The following SEMA3C variants were observed in gnomAD, a reference collection of about 807,000 sequenced individuals.
The protein encoded by SEMA3C is semaphorin 3C, also known as semaphorin-3C.
In SEMA3C, 47 loss-of-function variants were observed where a neutral mutation model predicts 89.4. That is an observed-to-expected ratio of 0.53 (90% CI 0.42 to 0.67). SEMA3C has a LOEUF of 0.67. SEMA3C is among the 30% of genes least tolerant of loss of function. The probability of loss-of-function intolerance (pLI) is 0.00; values close to 1 mark genes in which losing one functional copy is unlikely to be tolerated. For missense variants in SEMA3C, 839 were observed against 929.1 expected, an observed-to-expected ratio of 0.90 and a Z score of 1.26; for synonymous variants, 310 against 320.2, an observed-to-expected ratio of 0.97 and a Z score of 0.34.
intron 2 of SEMA3C, among the ~76,000 whole-genome samples, chr7:80,836,307 G>T (rs1790124381): frequency 6.6e-6 from 1 of 152,138 alleles, no homozygotes; most frequent in Non-Finnish European, 1.5e-5. Flanking sequence ...CAGGCATGAT[G>T]GGATAAATGG....
chr7:80,766,301 C>A (rs952030042), intron 12 of SEMA3C, among the ~76,000 whole-genome samples: 2 of 152,160 alleles, frequency 1.3e-5, no homozygotes, highest in Non-Finnish European at 2.9e-5. Context: ...GATGGTCAGG[C>A]AGTTATCACA....
chr7:80,900,422 A>G (rs944655470), intron 2 of SEMA3C, among the ~76,000 whole-genome samples: 1 of 152,162 alleles, frequency 6.6e-6, no homozygotes, highest in Admixed American at 6.5e-5. Flanking sequence ...TACATTTAGT[A>G]TGTTTTTACT....
chr7:80,866,297 A>G (rs901410582), intron 2 of SEMA3C, among the ~76,000 whole-genome samples: 10 of 152,138 alleles, frequency 6.6e-5, no homozygotes, highest in Non-Finnish European at 1.3e-4. Context: ...TGAGGGGTCC[A>G]GTGTCTTCTA....
At chr7:80,780,778 G>A (rs571404793) in intron 12 of SEMA3C, among the ~76,000 whole-genome samples, 3 of 152,188 alleles carry the variant, frequency 2.0e-5, no homozygotes, top group African/African-American at 4.8e-5. Context: ...CAGATACTCC[G>A]GAGGCTGAGA....
chr7:80,858,850 C>T (rs1056180335), intron 2 of SEMA3C, among the ~76,000 whole-genome samples: 4 of 152,020 alleles, frequency 2.6e-5, no homozygotes, highest in African/African-American at 9.7e-5. Context: ...AGTATGAATT[C>T]GAGGTAATTC....
At chr7:80,847,974 C>T (rs1790428597) in intron 2 of SEMA3C, among the ~76,000 whole-genome samples, 1 of 152,204 alleles carries the variant, frequency 6.6e-6, no homozygotes, top group African/African-American at 2.4e-5. Context: ...ACCTCTAACT[C>T]CTACCCCAAC....
intron 4 of SEMA3C, among the ~76,000 whole-genome samples, chr7:80,822,098 C>T (rs953665158): frequency 6.6e-6 from 1 of 152,152 alleles, no homozygotes; most frequent in African/African-American, 2.4e-5. Flanking sequence ...CAAATATGTG[C>T]TGAAGTCATT....
chr7:80,746,200 T>TGA (rs1787795883), intron 17 of SEMA3C, among the ~76,000 whole-genome samples: 1 of 152,068 alleles, frequency 6.6e-6, no homozygotes, highest in African/African-American at 2.4e-5. Context: ...TTTTCCTAAA[T>TGA]GATAAAGTTC....
intron 2 of SEMA3C, among the ~76,000 whole-genome samples, chr7:80,874,159 CTG>C (rs941054798): frequency 1.3e-5 from 2 of 152,152 alleles, no homozygotes; most frequent in African/African-American, 2.4e-5. Context: ...ATCCATTAGA[CTG>C]TAAATTCCTT....
chr7:80,772,055 A>T lies in SEMA3C; in HGVS notation c.1355-6812T>A, dbSNP rs568483570. On this transcript the variant is annotated intron_variant, in intron 12 of 17. Coordinates refer to ENST00000265361, the MANE Select transcript of SEMA3C (RefSeq NM_006379.5). Reference sequence around the variant, plus strand: ...AATTTTCTGAGACAACTTGCTTATTAAAATGAGGAAACATACTTTGAAAGC... The same window carrying T: ...AATTTTCTGAGACAACTTGCTTATTTAAATGAGGAAACATACTTTGAAAGC... Among the ~76,000 whole-genome samples the T allele has an allele frequency of 2.0e-5, 3 of 152,344 alleles. No homozygotes were observed. The South Asian group carries it at 6.2e-4, about 32-fold the overall frequency.
At position 80,804,218 on chromosome 7, in the gene SEMA3C, G is replaced by A; in HGVS notation, c.689C>T (p.Pro230Leu). 4 of 1,607,936 alleles carry A rather than the reference G, an allele frequency of 2.5e-6. No individual in the cohort carries two copies. Among genetic ancestry groups the A allele is most frequent in the Non-Finnish European group, 3.4e-6 (4 of 1,176,992 alleles). Residue 230 changes from proline (P) to leucine (L), a missense_variant, in exon 8 of 18, where the codon CCA becomes CTA. Pro to Leu is a moderately conservative substitution (Grantham distance 98). Coordinates refer to ENST00000265361, the MANE Select transcript of SEMA3C (RefSeq NM_006379.5). ...AGCATCATTTGGATCAGTACCATCT[G>A]GGATGACATGTGCATCTACAAACAT... ...EPMFVDAHVI[P>L]DGTDPNDAKV...
intron 2 of SEMA3C, among the ~76,000 whole-genome samples, chr7:80,892,454 T>A (rs996032189): frequency 2.0e-5 from 3 of 152,044 alleles, no homozygotes; most frequent in Non-Finnish European, 4.4e-5. Flanking sequence ...TGTGATTAAG[T>A]TGTGTGTATA....
chr7:80,835,281 C>T (rs12671772), intron 2 of SEMA3C, among the ~76,000 whole-genome samples: 31,344 of 152,016 alleles, frequency 0.21, 3,590 homozygotes, highest in East Asian at 0.35. Context: ...ATAGAAATAA[C>T]GAAGATACCA....
chr7:80,916,889 T>C, intron 1 of SEMA3C, 70 bp from the exon 2 acceptor site: 9 of 1,261,746 alleles, frequency 7.1e-6, no homozygotes, highest in Non-Finnish European at 1.0e-5. Flanking sequence ...AACAGCAATC[T>C]AGACAAAACA....
Position 80,804,099 on chromosome 7 carries a change from T to A in SEMA3C, c.801+7A>T, listed in dbSNP as rs1209694316. ...TTTCTTCAAATCGGAACAGCATTAATACTTACAGGACATATTCGAGCAATC... is the reference window on the plus strand; with the variant it reads ...TTTCTTCAAATCGGAACAGCATTAAAACTTACAGGACATATTCGAGCAATC... On this transcript the variant is annotated splice_region_variant and intron_variant, in intron 8 of 17. Coordinates refer to ENST00000265361, the MANE Select transcript of SEMA3C (RefSeq NM_006379.5). 15 of 1,604,458 alleles carry A rather than the reference T, an allele frequency of 9.3e-6. No individual in the cohort carries two copies. The Admixed American group carries it at 1.2e-4, about 13-fold the overall frequency.
intron 2 of SEMA3C, among the ~76,000 whole-genome samples, chr7:80,905,003 T>C (rs969273224): frequency 2.0e-5 from 3 of 151,156 alleles, no homozygotes; most frequent in Non-Finnish European, 4.4e-5. Flanking sequence ...TGTGGCCCTA[T>C]AATAGGGTGG....
intron 15 of SEMA3C, among the ~76,000 whole-genome samples, chr7:80,754,487 T>C (rs947400966): frequency 6.6e-6 from 1 of 151,350 alleles, no homozygotes; most frequent in African/African-American, 2.4e-5. Flanking sequence ...TGTGGAAAAG[T>C]ACTCCAAATC....
chr7:80,764,613 G>A (rs1161886253), intron 13 of SEMA3C, among the ~76,000 whole-genome samples: 1 of 151,896 alleles, frequency 6.6e-6, no homozygotes, highest in Non-Finnish European at 1.5e-5. Flanking sequence ...TCAAGGACAA[G>A]GAGAATAATA....
At chr7:80,831,484 A>G (rs1790007440) in intron 2 of SEMA3C, among the ~76,000 whole-genome samples, 1 of 152,212 alleles carries the variant, frequency 6.6e-6, no homozygotes, top group Admixed American at 6.5e-5. Context: ...AAGTCAGAAC[A>G]ATTTCTTATG....
Sources: gnomAD v4.1 joint callset for allele counts (sites outside exome capture counted in the v4.1 genomes callset) on GRCh38, gnomAD v4.1.1 for gene constraint, MANE v1.5 for transcripts, NCBI Gene and HGNC (gene_info 2026-07-23, HGNC 2026-07-21) for gene names.